Variants in RAPSN observed in about 807,000 individuals in gnomAD.
The protein encoded by RAPSN is 43 kDa receptor-associated protein of the synapse.
RAPSN carries 33 observed loss-of-function variants against 45.7 expected under a neutral mutation model. The observed-to-expected ratio is 0.72, with a 90% CI of 0.55 to 0.97. RAPSN has a LOEUF of 0.97. Ranked by LOEUF, RAPSN falls within the 50% of genes least tolerant of loss-of-function variation. The pLI is 0.00. For synonymous variants in RAPSN, 244 were observed against 233.6 expected (o/e 1.04, Z -0.40); for missense variants, 519 against 559.4 (o/e 0.93, Z 0.73).
chr11:47,440,750 A>G (rs2153307856), intron 6 of RAPSN, among the ~76,000 whole-genome samples: 1 of 152,282 alleles, frequency 6.6e-6, no homozygotes, highest in Middle Eastern at 3.4e-3. Context: ...CTCAATCTCA[A>G]AAATGTTTTT....
chr11:47,441,459 C>T (rs2076361373), intron 5 of RAPSN, 152 bp downstream of exon 5: 1 of 1,432,816 alleles, frequency 7.0e-7, no homozygotes, highest in Non-Finnish European at 9.4e-7. Flanking sequence ...TGGGCCTTCT[C>T]TGAGCCTGGA....
Position 47,441,697 on chromosome 11 carries a change from T to A in RAPSN, c.826A>T (p.Met276Leu). ...FPRYDSAMSI[M>L]TEIGNRLGQV... Reference sequence around the variant, plus strand: ...CCCAGGCGGTTTCCGATCTCGGTCATGATGCTCATGGCGGAGTCGTACCTG... The same window carrying A: ...CCCAGGCGGTTTCCGATCTCGGTCAAGATGCTCATGGCGGAGTCGTACCTG... Residue 276 changes from methionine to leucine, a missense_variant, in exon 5 of 8, where the codon ATG becomes TTG. Transcript: ENST00000298854. 6.2e-7 allele frequency: 1 copy of A among 1,609,494 alleles called. No individual in the cohort carries two copies. The highest frequency in any genetic ancestry group is 8.5e-7 in the Non-Finnish European group (1 of 1,179,914).
In RAPSN at chr11:47,438,889, G is replaced by C; in HGVS notation, c.1009C>G (p.Arg337Gly). ...AGTTCCCGCTGCAGCCCTTTGCTGC[G>C]GTAAATGCTCTCGCTCAGACAGTGC... The part of the protein sequence containing the change: ...KLHCLSESIY[R>G]SKGLQRELRA... The change falls in exon 7 of 8, where the codon CGC becomes GGC. Residue 337 changes from arginine (R) to glycine (G), a missense_variant. By Grantham distance (125) the Arg-to-Gly change is moderately radical (BLOSUM62 -2). Coordinates refer to ENST00000298854, the MANE Select transcript of RAPSN (RefSeq NM_005055.5). 2 of 1,564,838 alleles carry C rather than the reference G, an allele frequency of 1.3e-6. No individual in the cohort carries two copies. Among genetic ancestry groups the C allele is most frequent in the Non-Finnish European group, 1.7e-6 (2 of 1,154,170 alleles).
chr11:47,440,169 C>A (rs1180848309), intron 6 of RAPSN, among the ~76,000 whole-genome samples: 1 of 152,224 alleles, frequency 6.6e-6, no homozygotes. Context: ...TTTTCCTCAT[C>A]TGTAAAATGG....
Position 47,442,787 on chromosome 11 carries a change from A to C in RAPSN, c.559T>G (p.Cys187Gly), listed in dbSNP as rs999656147. The C allele has an allele frequency of 6.2e-7, 1 of 1,614,100 alleles. No individual in the cohort carries two copies. The highest frequency in any genetic ancestry group is 8.5e-7 in the Non-Finnish European group (1 of 1,180,032). ...KDYEKALFFP[C>G]KAAELVNNYG... ...TTGTTGACAAGCTCTGCCGCCTTGCAGGGGAAGAACAGGGCTTTCTCGTAG... is the reference window on the plus strand; with the variant it reads ...TTGTTGACAAGCTCTGCCGCCTTGCCGGGGAAGAACAGGGCTTTCTCGTAG... The change falls in exon 3 of 8, where the codon TGC becomes GGC. Residue 187 changes from cysteine (C) to glycine (G), a missense_variant. By Grantham distance (159) the Cys-to-Gly change is radical. Transcript: ENST00000298854.
Position 47,441,806 on chromosome 11 carries a change from C to T in RAPSN, c.789+17G>A, listed in dbSNP as rs369690955. 4 of 1,555,466 alleles carry T rather than the reference C, an allele frequency of 2.6e-6. No homozygotes were observed. The African/African-American group carries it at 4.1e-5, about 16-fold the overall frequency. On this transcript the variant is annotated intron_variant, in intron 4 of 7. Coordinates refer to ENST00000298854, the MANE Select transcript of RAPSN (RefSeq NM_005055.5). Reference sequence around the variant, plus strand: ...CCCTGCCCCCTGCCCCCAGCCCCTGCATCCCGGTGACCTCACCTCCAGGTC... The same window carrying T: ...CCCTGCCCCCTGCCCCCAGCCCCTGTATCCCGGTGACCTCACCTCCAGGTC...
intron 5 of RAPSN, 151 bp downstream of exon 5, chr11:47,441,460 T>C: frequency 7.0e-7 from 1 of 1,433,384 alleles, no homozygotes; most frequent in Non-Finnish European, 9.4e-7. Flanking sequence ...GGGCCTTCTC[T>C]GAGCCTGGAA....
chr11:47,438,917 C>T lies in RAPSN; in HGVS notation c.981G>A (p.Lys327=). The T allele has an allele frequency of 1.3e-6, 2 of 1,558,842 alleles. No individual in the cohort carries two copies. Among genetic ancestry groups the T allele is most frequent in the Non-Finnish European group, 1.7e-6 (2 of 1,150,990 alleles). ...AAATGCTCTCGCTCAGACAGTGCAG[C>T]TTGAGCTGGCTCAGCTGGGGCCCGC... ...EEVGNKLSQL[K]LHCLSESIYR... is the part of the protein sequence containing the mutation. The change falls in exon 7 of 8, where the codon AAG becomes AAA. Residue 327 remains lysine, a synonymous_variant. Coordinates refer to ENST00000298854, the MANE Select transcript of RAPSN (RefSeq NM_005055.5).
chr11:47,440,747 T>A (rs2076355570), intron 6 of RAPSN, among the ~76,000 whole-genome samples: 1 of 152,164 alleles, frequency 6.6e-6, no homozygotes, highest in African/African-American at 2.4e-5. Context: ...AAACTCAATC[T>A]CAAAAATGTT....
chr11:47,447,656 G>A (rs1356195229), intron 2 of RAPSN, among the ~76,000 whole-genome samples, 156 bp downstream of exon 2: 1 of 152,156 alleles, frequency 6.6e-6, no homozygotes, highest in Admixed American at 6.5e-5. Context: ...TGGCCAAGTT[G>A]TTACCTTCCT....
chr11:47,447,466 TCTC>T (rs1269035999), intron 2 of RAPSN, among the ~76,000 whole-genome samples: 1 of 152,150 alleles, frequency 6.6e-6, no homozygotes, highest in South Asian at 2.1e-4. Flanking sequence ...TGAGTCCTAT[TCTC>T]CTTCATTTTA....
chr11:47,441,524 A>C, intron 5 of RAPSN, 87 bp downstream of exon 5: 1 of 1,585,874 alleles, frequency 6.3e-7, no homozygotes, highest in Non-Finnish European at 8.5e-7. Context: ...GACGTCAGAC[A>C]AAGTGGCTGA....
At chr11:47,438,600 G>A in intron 7 of RAPSN, 132 bp downstream of exon 7, 1 of 1,121,508 alleles carries the variant, frequency 8.9e-7, no homozygotes, top group South Asian at 1.4e-5. Context: ...TTGCGAGACA[G>A]ACGTGAGGCA....
chr11:47,447,268 C>T (rs3740684), intron 2 of RAPSN, among the ~76,000 whole-genome samples: 93,383 of 152,094 alleles, frequency 0.61, 30,466 homozygotes, highest in South Asian at 0.78. Flanking sequence ...TGCCCCGCTT[C>T]GCTTTCTCCT....
chr11:47,448,129 T>G lies in RAPSN; in HGVS notation c.214A>C (p.Thr72Pro). The change falls in exon 2 of 8, where the codon ACG (threonine) becomes CCG (proline). Residue 72 changes from threonine to proline, a missense_variant. Coordinates refer to ENST00000298854, the MANE Select transcript of RAPSN (RefSeq NM_005055.5). ...MLKFAVVQID[T>P]ARELEDADFL... ...TCGGCATCCTCCAGCTCCCGGGCCG[T>G]GTCGATCTGGACCACAGCGAACTGC... 6.2e-7 allele frequency: 1 copy of G among 1,612,634 alleles called. No homozygotes were observed. Among genetic ancestry groups the G allele is most frequent in the Non-Finnish European group, 8.5e-7 (1 of 1,179,984 alleles).
intron 2 of RAPSN, among the ~76,000 whole-genome samples, chr11:47,444,644 G>A (rs1295802457): frequency 6.6e-6 from 1 of 151,686 alleles, no homozygotes; most frequent in Non-Finnish European, 1.5e-5. Context: ...AGATCATGAA[G>A]TCAGGAGATC....
At chr11:47,443,565 G>A (rs777680263) in intron 2 of RAPSN, among the ~76,000 whole-genome samples, 88 of 152,156 alleles carry the variant, frequency 5.8e-4, no homozygotes, top group Non-Finnish European at 1.0e-3. Context: ...TCTCTGCATC[G>A]TCAGGTCCTC....
chr11:47,447,797 G>T lies in RAPSN; in HGVS notation c.531+15C>A. ...CAAAACCCTCCACTGCTGTCCCCCT[G>T]GGGTGCAGGCCCACCTTGACCTGGG... On this transcript the variant is annotated intron_variant, in intron 2 of 7. Coordinates refer to ENST00000298854, the MANE Select transcript of RAPSN (RefSeq NM_005055.5). 6.2e-7 allele frequency: 1 copy of T among 1,605,204 alleles called. No homozygotes were observed. Among genetic ancestry groups the T allele is most frequent in the South Asian group, 1.1e-5 (1 of 89,606 alleles).
intron 7 of RAPSN, 143 bp downstream of exon 7, chr11:47,438,589 C>CT (rs1595896273): frequency 9.9e-7 from 1 of 1,007,268 alleles, no homozygotes; most frequent in African/African-American, 1.6e-5. Context: ...TCCCAAAGTG[C>CT]TTGCGAGACA....
Sources: allele counts gnomAD v4.1 joint callset (sites outside exome capture counted in the v4.1 genomes callset), GRCh38; gene constraint gnomAD v4.1.1; transcripts MANE v1.5; gene names NCBI Gene and HGNC (gene_info 2026-07-23, HGNC 2026-07-21).